The following PLCB4 variants were observed in gnomAD, a reference collection of about 807,000 sequenced individuals.
The protein encoded by PLCB4 is phospholipase C beta 4, also known as 1-phosphatidylinositol 4,5-bisphosphate phosphodiesterase beta-4.
A neutral mutation model predicts 178.8 loss-of-function variants in PLCB4; 77 were observed. The observed-to-expected ratio is 0.43, with a 90% confidence interval of 0.36 to 0.52. The LOEUF (loss-of-function observed/expected upper bound fraction) is 0.52, where lower values mean the gene tolerates loss of function less well. PLCB4 is among the 20% of genes least tolerant of loss of function. The pLI is 0.00. For synonymous variants in PLCB4, 496 were observed against 490.8 expected (o/e 1.01, Z -0.14); for missense variants, 1,024 against 1,453.4 (o/e 0.70, Z 4.80).
chr20:9,412,746 T>A (rs918529597), intron 25 of PLCB4, among the ~76,000 whole-genome samples: 1 of 152,084 alleles, frequency 6.6e-6, no homozygotes, highest in African/African-American at 2.4e-5. Flanking sequence ...TGGCCAGAAG[T>A]CCTTATCCTT....
intron 1 of PLCB4, among the ~76,000 whole-genome samples, chr20:9,084,519 G>A (rs1245917407): frequency 6.8e-6 from 1 of 146,478 alleles, no homozygotes; most frequent in Non-Finnish European, 1.5e-5. Flanking sequence ...TTTTTTTTTT[G>A]TGTGGGGAAT....
At chr20:9,078,495 T>C (rs1167608598) in intron 1 of PLCB4, among the ~76,000 whole-genome samples, 1 of 151,960 alleles carries the variant, frequency 6.6e-6, no homozygotes, top group Non-Finnish European at 1.5e-5. Flanking sequence ...CAAGCGATTC[T>C]GGGTTACAGG....
At chr20:9,258,184 A>G (rs1000722139) in intron 3 of PLCB4, among the ~76,000 whole-genome samples, 21 of 152,206 alleles carry the variant, frequency 1.4e-4, no homozygotes, top group African/African-American at 5.1e-4. Flanking sequence ...ATGTCTTTTA[A>G]AGTATCTCTA....
chr20:9,459,684 A>G lies in PLCB4; in HGVS notation c.3122A>G (p.Asn1041Ser), dbSNP rs147312767. The G allele has an allele frequency of 3.4e-4, 542 of 1,613,462 alleles. 3 individuals are homozygous for G. The East Asian group carries it at 0.012, about 35-fold the overall frequency. Residue 1041 changes from asparagine to serine, a missense_variant, in exon 35 of 40, where the codon AAT becomes AGT. Physicochemically the swap from Asn to Ser is conservative, Grantham distance 46. This residue lies in a region of PLCB4 where 264 missense variants were observed against 283.2 expected (regional missense o/e 0.93). Coordinates refer to ENST00000378473, the MANE Select transcript of PLCB4 (RefSeq NM_001377142.1). ...QHTKEWSEMI[N>S]THSAEEQEIR... ...ACAAAGGAATGGTCAGAAATGATCA[A>G]TACCCACAGTGCTGAGGAGCAAGAA... is the stretch of plus-strand genomic sequence containing the variant.
intron 2 of PLCB4, among the ~76,000 whole-genome samples, chr20:9,170,464 G>A (rs577249341): frequency 1.3e-5 from 2 of 152,210 alleles, no homozygotes; most frequent in South Asian, 2.1e-4. Context: ...GAGATGCAAA[G>A]ACATGGAGGT....
chr20:9,324,196 T>C (rs2029991284), intron 4 of PLCB4, among the ~76,000 whole-genome samples: 1 of 144,480 alleles, frequency 6.9e-6, no homozygotes, highest in Admixed American at 6.8e-5. Flanking sequence ...AAGAAAGAAA[T>C]TTAAAAAAGA....
At chr20:9,464,222 T>C (rs2043605417) in intron 35 of PLCB4, among the ~76,000 whole-genome samples, 1 of 152,164 alleles carries the variant, frequency 6.6e-6, no homozygotes. Flanking sequence ...AGATGTTCTT[T>C]GAAACCAATG....
intron 2 of PLCB4, among the ~76,000 whole-genome samples, chr20:9,181,084 A>G (rs1164444263): frequency 6.6e-6 from 1 of 152,160 alleles, no homozygotes; most frequent in Non-Finnish European, 1.5e-5. Flanking sequence ...TGAATAGCTG[A>G]CCAAGATAAA....
At chr20:9,134,221 T>C (rs1360926819) in intron 2 of PLCB4, among the ~76,000 whole-genome samples, 1 of 152,184 alleles carries the variant, frequency 6.6e-6, no homozygotes, top group Non-Finnish European at 1.5e-5. Flanking sequence ...CACATGTTTC[T>C]GTTATGCATC....
chr20:9,091,111 G>T (rs74812089), intron 1 of PLCB4, among the ~76,000 whole-genome samples: 42 of 152,124 alleles, frequency 2.8e-4, no homozygotes, highest in African/African-American at 9.6e-4. Context: ...GGAGAGCTGG[G>T]GTGTTTGTAC....
At chr20:9,311,408 C>T (rs749268980) in intron 4 of PLCB4, among the ~76,000 whole-genome samples, 1 of 152,124 alleles carries the variant, frequency 6.6e-6, no homozygotes, top group Non-Finnish European at 1.5e-5. Flanking sequence ...TTGCATCATA[C>T]ACCACACCAA....
intron 25 of PLCB4, among the ~76,000 whole-genome samples, chr20:9,411,373 CTGGGACAGGTAATAA>C (rs2039848415): frequency 1.3e-5 from 2 of 152,124 alleles, no homozygotes; most frequent in Non-Finnish European, 2.9e-5. Flanking sequence ...GATTTTATGT[CTGGGACAGGTAATAA>C]TCCCTGCACA....
At chr20:9,198,366 A>C (rs1488850013) in intron 2 of PLCB4, among the ~76,000 whole-genome samples, 1 of 152,240 alleles carries the variant, frequency 6.6e-6, no homozygotes, top group African/African-American at 2.4e-5. Flanking sequence ...GTAAAAATAG[A>C]AGAAAGAGAA....
chr20:9,144,669 G>A (rs2092558669), intron 2 of PLCB4, among the ~76,000 whole-genome samples: 1 of 136,204 alleles, frequency 7.3e-6, no homozygotes, highest in African/African-American at 2.7e-5. Flanking sequence ...AGAAGGAGGA[G>A]GAGGAGGGGG....
chr20:9,198,810 C>G (rs1002226503), intron 2 of PLCB4, among the ~76,000 whole-genome samples: 3 of 152,120 alleles, frequency 2.0e-5, no homozygotes, highest in African/African-American at 7.2e-5. Flanking sequence ...GACAGTGTGT[C>G]AAATTGGAAT....
intron 2 of PLCB4, among the ~76,000 whole-genome samples, chr20:9,174,550 T>G (rs1381144484): frequency 1.3e-5 from 2 of 152,048 alleles, no homozygotes; most frequent in Admixed American, 6.6e-5. Context: ...TCCTACTAAT[T>G]AAGATGTTTC....
chr20:9,258,671 C>T (rs538117111), intron 3 of PLCB4, among the ~76,000 whole-genome samples: 13 of 146,974 alleles, frequency 8.8e-5, no homozygotes, highest in Non-Finnish European at 1.8e-4. Flanking sequence ...GCCAAGATCC[C>T]GCCAATGCAC....
chr20:9,442,824 C>G (rs1478009757), intron 30 of PLCB4, among the ~76,000 whole-genome samples: 1 of 152,138 alleles, frequency 6.6e-6, no homozygotes, highest in Non-Finnish European at 1.5e-5. Context: ...GGCTGATTTC[C>G]CTCAGCCAAA....
At chr20:9,306,691 A>G (rs1269780259) in intron 3 of PLCB4, among the ~76,000 whole-genome samples, 1 of 152,104 alleles carries the variant, frequency 6.6e-6, no homozygotes, top group South Asian at 2.1e-4. Context: ...TTGCTTAACT[A>G]TTTGGTGACT....
Sources: allele counts gnomAD v4.1 joint callset (sites outside exome capture counted in the v4.1 genomes callset), GRCh38; gene constraint gnomAD v4.1.1; regional missense constraint gnomAD v4.1.1; transcripts MANE v1.5; gene names NCBI Gene and HGNC (gene_info 2026-07-23, HGNC 2026-07-21).